SLC22A23: variants seen among roughly 807,000 people sequenced by gnomAD.
The protein encoded by SLC22A23 is solute carrier family 22 member 23, also known as ion transporter protein.
Under a neutral mutation model 61.0 loss-of-function variants are expected in SLC22A23, and 26 were observed. The ratio of observed to expected loss-of-function variants is 0.43; its 90% confidence interval spans 0.31 to 0.59. The LOEUF (loss-of-function observed/expected upper bound fraction) is 0.59. Ranked by LOEUF, SLC22A23 falls within the 20% of genes least tolerant of loss-of-function variation. The pLI is 0.11. For synonymous variants in SLC22A23, 430 were observed against 413.9 expected (o/e 1.04, Z -0.47); for missense variants, 796 against 934.7 (o/e 0.85, Z 1.94).
At chr6:3,311,365 T>C (rs1728939085) in intron 4 of SLC22A23, among the ~76,000 whole-genome samples, 1 of 152,190 alleles carries the variant, frequency 6.6e-6, no homozygotes, top group African/African-American at 2.4e-5. Flanking sequence ...CTTTGGGGTG[T>C]TGCCACGTAT....
In SLC22A23 at chr6:3,323,819, G is replaced by A. The variant is rs770690613; in HGVS notation, c.1082+15C>T. 1 of 1,610,290 alleles carries A rather than the reference G, an allele frequency of 6.2e-7. No individual in the cohort carries two copies. Among genetic ancestry groups the A allele is most frequent in the Non-Finnish European group, 8.5e-7 (1 of 1,177,576 alleles). ...CAGTCGCACCAGCCCAGGGCGCTGTGCAGAGTGTACTCACGACCAGTAGAG... is the reference window on the plus strand; with the variant it reads ...CAGTCGCACCAGCCCAGGGCGCTGTACAGAGTGTACTCACGACCAGTAGAG... On this transcript the variant is annotated intron_variant, in intron 4 of 9. Transcript: ENST00000406686.
chr6:3,348,914 T>C (rs1393907122), intron 3 of SLC22A23, among the ~76,000 whole-genome samples: 4 of 152,240 alleles, frequency 2.6e-5, no homozygotes, highest in Non-Finnish European at 4.4e-5. Context: ...GAGAGTCAAC[T>C]GGTACTGTCT....
At chr6:3,377,175 G>A (rs1581780423) in intron 3 of SLC22A23, among the ~76,000 whole-genome samples, 1 of 152,148 alleles carries the variant, frequency 6.6e-6, no homozygotes, top group East Asian at 1.9e-4. Context: ...TTATGCTATG[G>A]TGACAGGATT....
chr6:3,317,144 G>T lies in SLC22A23; in HGVS notation c.1082+6690C>A, dbSNP rs1033250944. On this transcript the variant is annotated intron_variant, in intron 4 of 9. Coordinates refer to ENST00000406686, the MANE Select transcript of SLC22A23 (RefSeq NM_015482.2). The surrounding 1 kb of genome is among the most constrained non-coding windows in gnomAD (Gnocchi z 4.4). ...TCATTCCTCAATAGTGAATTCCCGC[G>T]CAGGAAACTTGATGTCACCCTGTCC... Among the ~76,000 whole-genome samples, 1 of 152,122 alleles carries T rather than the reference G, an allele frequency of 6.6e-6. No homozygotes were observed. Among genetic ancestry groups the T allele is most frequent in the East Asian group, 1.9e-4 (1 of 5,196 alleles).
At chr6:3,279,536 A>AAAAAAAAAAAAAAC (rs1581590018) in intron 9 of SLC22A23, among the ~76,000 whole-genome samples, 1 of 146,948 alleles carries the variant, frequency 6.8e-6, no homozygotes, top group Non-Finnish European at 1.5e-5. Context: ...AAAAAAAAAA[A>AAAAAAAAAAAAAAC]TCCTTGACAT....
At chr6:3,444,844 G>A in intron 1 of SLC22A23, 3 of 985,586 alleles carry the variant, frequency 3.0e-6, no homozygotes, top group Non-Finnish European at 3.6e-6. Flanking sequence ...ATCGGTTTCT[G>A]GGTGAAGGCG....
intron 3 of SLC22A23, among the ~76,000 whole-genome samples, chr6:3,362,608 C>T (rs1274126494): frequency 6.6e-6 from 1 of 151,888 alleles, no homozygotes; most frequent in African/African-American, 2.4e-5. Flanking sequence ...CATCCCATCT[C>T]CTTAGCAAGG....
At chr6:3,312,779 GTC>G (rs1362457474) in intron 4 of SLC22A23, 13 of 152,388 alleles carry the variant, frequency 8.5e-5, no homozygotes, top group African/African-American at 3.1e-4. Flanking sequence ...CACTCACTTG[GTC>G]TCTGTCGGTT....
chr6:3,399,819 T>C (rs1768259390), intron 3 of SLC22A23, among the ~76,000 whole-genome samples: 1 of 152,218 alleles, frequency 6.6e-6, no homozygotes. Context: ...GAATTTTTTC[T>C]TGAGTTTATT....
rs1261947167 is a variant in SLC22A23, at chr6:3,304,381, TAG to T, written c.1083-6165_1083-6164del. Among the ~76,000 whole-genome samples, 4 of 152,256 alleles carry T rather than the reference TAG, an allele frequency of 2.6e-5. No homozygotes were observed. The East Asian group carries it at 7.7e-4, about 29-fold the overall frequency. On this transcript the variant is annotated intron_variant, in intron 4 of 9. Transcript: ENST00000406686. This position sits in a 1 kb window ranked among gnomAD's most constrained non-coding sequence, Gnocchi z 4.3. ...AAGTGATGATGAGCAAGTCCCCTTCTAGAGAGTCTCTGAGAATTGCAAAGCTC... is the reference window on the plus strand; with the variant it reads ...AAGTGATGATGAGCAAGTCCCCTTCTAGAGTCTCTGAGAATTGCAAAGCTC...
intron 2 of SLC22A23, among the ~76,000 whole-genome samples, chr6:3,413,786 G>A (rs1473552680): frequency 6.6e-6 from 1 of 152,170 alleles, no homozygotes; most frequent in Non-Finnish European, 1.5e-5. Flanking sequence ...TTTTAAGCAA[G>A]GCTCAAGCAG....
chr6:3,365,476 T>C (rs1581758441), intron 3 of SLC22A23, among the ~76,000 whole-genome samples: 1 of 152,140 alleles, frequency 6.6e-6, no homozygotes, highest in African/African-American at 2.4e-5. Flanking sequence ...GTAGATGCGG[T>C]TCAGGCAGGC....
intron 4 of SLC22A23, among the ~76,000 whole-genome samples, chr6:3,314,431 A>G (rs537267318): frequency 1.3e-5 from 2 of 152,302 alleles, no homozygotes; most frequent in South Asian, 4.1e-4. Flanking sequence ...GGCGTCAGCA[A>G]CACCGCATCT....
chr6:3,392,438 T>C (rs1463577616), intron 3 of SLC22A23, among the ~76,000 whole-genome samples: 5 of 152,224 alleles, frequency 3.3e-5, no homozygotes, highest in Non-Finnish European at 5.9e-5. Flanking sequence ...GACAGATCGA[T>C]GCAGGAGAGT....
rs762050012 is a variant in SLC22A23 at position 3,329,897 on chromosome 6, G to C, written c.914-5895C>G. Reference sequence around the variant, plus strand: ...GGGAGGTGAGACGGGCTCAGGAAAGGACAGCGTCTGCCCACACTGCTCAGG... The same window carrying C: ...GGGAGGTGAGACGGGCTCAGGAAAGCACAGCGTCTGCCCACACTGCTCAGG... On this transcript the variant is annotated intron_variant, in intron 3 of 9. Transcript: ENST00000406686. The surrounding 1 kb of genome is among the most constrained non-coding windows in gnomAD (Gnocchi z 4.8). Among the ~76,000 whole-genome samples the C allele has an allele frequency of 6.6e-6, 1 of 152,202 alleles. No individual in the cohort carries two copies. The highest frequency in any genetic ancestry group is 1.5e-5 in the Non-Finnish European group (1 of 68,020).
At chr6:3,285,848 C>G (rs1372346326) in intron 7 of SLC22A23, among the ~76,000 whole-genome samples, 1 of 152,142 alleles carries the variant, frequency 6.6e-6, no homozygotes, top group East Asian at 1.9e-4. Flanking sequence ...TCTGAGAGCC[C>G]GGGTTCATTT....
chr6:3,389,821 G>A (rs1376311058), intron 3 of SLC22A23, among the ~76,000 whole-genome samples: 3 of 152,236 alleles, frequency 2.0e-5, no homozygotes, highest in African/African-American at 7.2e-5. Context: ...GTGCATTTCA[G>A]GCTGCTGCCA....
intron 1 of SLC22A23, among the ~76,000 whole-genome samples, chr6:3,437,468 G>A (rs1356555464): frequency 2.0e-5 from 3 of 151,974 alleles, no homozygotes; most frequent in Non-Finnish European, 2.9e-5. Flanking sequence ...ATGAGGTCAC[G>A]AGATGGAGAC....
rs1172544933 is a variant in SLC22A23 at position 3,304,068 on chromosome 6, G to C, written c.1083-5850C>G. ...CCATCAGTCCAGGCATTGGATCCCA[G>C]AGAGGATTCAATTCTGCTGTTCCCC... On this transcript the variant is annotated intron_variant, in intron 4 of 9. Coordinates refer to ENST00000406686, the MANE Select transcript of SLC22A23 (RefSeq NM_015482.2). The surrounding 1 kb of genome is among the most constrained non-coding windows in gnomAD (Gnocchi z 4.3). 6.6e-6 allele frequency among the ~76,000 whole-genome samples: 1 copy of C among 152,236 alleles called. No individual in the cohort carries two copies. The highest frequency in any genetic ancestry group is 1.5e-5 in the Non-Finnish European group (1 of 68,038).
Sources: allele counts gnomAD v4.1 joint callset (sites outside exome capture counted in the v4.1 genomes callset), GRCh38; gene constraint gnomAD v4.1.1; non-coding constraint Gnocchi (gnomAD v3.1); transcripts MANE v1.5; gene names NCBI Gene and HGNC (gene_info 2026-07-23, HGNC 2026-07-21).